Variants in STARD13 observed in about 807,000 individuals in gnomAD.
STARD13 encodes the protein StAR related lipid transfer domain containing 13.
In STARD13, 62 loss-of-function variants were observed where a neutral mutation model predicts 106.4. The observed-to-expected ratio is 0.58, with a 90% CI of 0.48 to 0.72. STARD13 has a LOEUF of 0.72. Among genes scored for constraint, STARD13 ranks in the 30% least tolerant of loss-of-function variants. STARD13 has a pLI of 0.00. For synonymous variants in STARD13, 565 were observed against 553.0 expected, an observed-to-expected ratio of 1.02 and a Z score of -0.31; for missense variants, 1,387 against 1,424.0, an observed-to-expected ratio of 0.97 and a Z score of 0.42.
chr13:33,234,711 C>A (rs7983119), intron 1 of STARD13, among the ~76,000 whole-genome samples: 44,186 of 152,036 alleles, frequency 0.29, 7,142 homozygotes, highest in Admixed American at 0.4. Flanking sequence ...TCTTATATAT[C>A]AGTTTCCTGT....
chr13:33,290,424 A>G (rs1251160002), upstream of STARD13, among the ~76,000 whole-genome samples: 3 of 152,060 alleles, frequency 2.0e-5, no homozygotes, highest in Admixed American at 2.0e-4. Flanking sequence ...TGTGTGCCCA[A>G]CTCTGTGCCA....
chr13:33,638,107 A>T, the STARD13 span, among the ~76,000 whole-genome samples: 2 of 152,352 alleles, frequency 1.3e-5, no homozygotes, highest in African/African-American at 4.8e-5. Context: ...TGAGCCAAAT[A>T]TGAGTGACTA....
chr13:33,138,709 G>A (rs909685675), intron 4 of STARD13: 7 of 334,480 alleles, frequency 2.1e-5, no homozygotes, highest in African/African-American at 4.4e-5. Context: ...AGCTGCAGGC[G>A]GCAGAAGTGC....
At chr13:33,602,253 A>C in the STARD13 span, among the ~76,000 whole-genome samples, 2 of 152,062 alleles carry the variant, frequency 1.3e-5, no homozygotes, top group Non-Finnish European at 2.9e-5. Flanking sequence ...AACCACGCCC[A>C]GCTAATTTTT....
At chr13:33,146,450 C>T (rs2138256048) in intron 3 of STARD13, among the ~76,000 whole-genome samples, 1 of 152,298 alleles carries the variant, frequency 6.6e-6, no homozygotes, top group Non-Finnish European at 1.5e-5. Flanking sequence ...CGCCACTGCA[C>T]TCCAGCCTGG....
the STARD13 span, among the ~76,000 whole-genome samples, chr13:33,388,895 C>T: frequency 2.0e-5 from 3 of 151,688 alleles, no homozygotes; most frequent in South Asian, 2.1e-4. Flanking sequence ...CCTAGTACCT[C>T]GCTGACTCTT....
At chr13:33,374,775 A>G in the STARD13 span, among the ~76,000 whole-genome samples, 1 of 152,312 alleles carries the variant, frequency 6.6e-6, no homozygotes, top group East Asian at 1.9e-4. Flanking sequence ...GGGTGATTTT[A>G]GAGCTGTGAT....
chr13:33,229,292 G>A (rs1303700579), intron 1 of STARD13, among the ~76,000 whole-genome samples: 2 of 152,216 alleles, frequency 1.3e-5, no homozygotes, highest in Non-Finnish European at 2.9e-5. Context: ...TTGAGATACG[G>A]CCAGGACACT....
chr13:33,641,207 C>T, the STARD13 span, among the ~76,000 whole-genome samples: 8 of 152,324 alleles, frequency 5.3e-5, no homozygotes, highest in Middle Eastern at 6.8e-3. Flanking sequence ...TTATGGCCTA[C>T]AGTCAAACAA....
At chr13:33,341,601 A>AG (rs1333690166) in intron 1 of STARD13, among the ~76,000 whole-genome samples, 1 of 151,898 alleles carries the variant, frequency 6.6e-6, no homozygotes, top group Non-Finnish European at 1.5e-5. Context: ...CAAAAAAAAA[A>AG]AAAAAGAAGA....
chr13:33,364,671 T>C, the STARD13 span, among the ~76,000 whole-genome samples: 24 of 152,078 alleles, frequency 1.6e-4, no homozygotes, highest in East Asian at 2.9e-3. Flanking sequence ...GGGTGGATCA[T>C]GAGGTCAGGA....
At chr13:33,307,923 C>A (rs1315489869) in intron 1 of STARD13, among the ~76,000 whole-genome samples, 1 of 152,146 alleles carries the variant, frequency 6.6e-6, no homozygotes, top group African/African-American at 2.4e-5. Flanking sequence ...GCTAAAAGAG[C>A]AATTGTGGTT....
chr13:33,592,730 G>A, the STARD13 span, among the ~76,000 whole-genome samples: 2 of 152,198 alleles, frequency 1.3e-5, no homozygotes, highest in Admixed American at 6.5e-5. Context: ...CCAATTTTCT[G>A]ACACAAGCAT....
intron 12 of STARD13, among the ~76,000 whole-genome samples, chr13:33,108,133 C>T (rs1039452946): frequency 5.9e-5 from 9 of 152,152 alleles, no homozygotes; most frequent in Middle Eastern, 3.2e-3. Flanking sequence ...CAACTCTCAG[C>T]GGAAGCTCCC....
At chr13:33,373,771 T>A in the STARD13 span, among the ~76,000 whole-genome samples, 8 of 149,498 alleles carry the variant, frequency 5.4e-5, no homozygotes, top group Admixed American at 5.3e-4. Context: ...AGGACACTAT[T>A]AAAAAAAAAA....
chr13:33,481,311 A>G, the STARD13 span, among the ~76,000 whole-genome samples: 1 of 152,216 alleles, frequency 6.6e-6, no homozygotes, highest in Admixed American at 6.5e-5. Context: ...TGAGAAAATA[A>G]TCATTCTAGG....
chr13:33,515,424 T>G, the STARD13 span, among the ~76,000 whole-genome samples: 1 of 152,152 alleles, frequency 6.6e-6, no homozygotes, highest in Non-Finnish European at 1.5e-5. Flanking sequence ...CTAGAGCCTC[T>G]TGAAATGAAG....
At chr13:33,183,407 T>A (rs1885435356) in intron 1 of STARD13, among the ~76,000 whole-genome samples, 1 of 152,224 alleles carries the variant, frequency 6.6e-6, no homozygotes, top group Admixed American at 6.5e-5. Flanking sequence ...TTGCTGCTGG[T>A]CAAAGATCTT....
chr13:33,217,846 G>A (rs1156565895), intron 1 of STARD13, among the ~76,000 whole-genome samples: 2 of 152,134 alleles, frequency 1.3e-5, no homozygotes, highest in East Asian at 1.9e-4. Flanking sequence ...AACAAAGCAC[G>A]GTTCTTTCCA....
Sources: gnomAD v4.1 joint callset for allele counts (sites outside exome capture counted in the v4.1 genomes callset) on GRCh38, gnomAD v4.1.1 for gene constraint, MANE v1.5 for transcripts, NCBI Gene and HGNC (gene_info 2026-07-23, HGNC 2026-07-21) for gene names.